SYT1: variants seen among roughly 807,000 people sequenced by gnomAD.
SYT1 encodes synaptotagmin-1.
A neutral mutation model predicts 44.8 loss-of-function variants in SYT1; 8 were observed. The observed-to-expected ratio is 0.18, with a 90% CI of 0.10 to 0.32. The LOEUF is 0.32. Ranked by LOEUF, SYT1 falls within the 10% of genes least tolerant of loss-of-function variation. The pLI, the probability that SYT1 is intolerant of heterozygous loss-of-function variation, is 1.00. For missense variants in SYT1, 286 were observed against 509.3 expected, an observed-to-expected ratio of 0.56 and a Z score of 4.22; for synonymous variants, 154 against 188.8, an observed-to-expected ratio of 0.82 and a Z score of 1.51.
chr12:79,046,442 A>G (rs1347341450), intron 2 of SYT1: 1 of 152,136 alleles, frequency 6.6e-6, no homozygotes, highest in Non-Finnish European at 1.5e-5. Flanking sequence ...ATGAGAACTT[A>G]TATAAAAAGG....
chr12:79,440,859 G>A (rs941378324), intron 9 of SYT1, among the ~76,000 whole-genome samples: 1 of 152,176 alleles, frequency 6.6e-6, no homozygotes, highest in Non-Finnish European at 1.5e-5. Context: ...ACCAGTAGCT[G>A]AGGATATAGG....
chr12:79,111,734 C>G (rs1256440161), intron 3 of SYT1, among the ~76,000 whole-genome samples: 1 of 151,270 alleles, frequency 6.6e-6, no homozygotes, highest in African/African-American at 2.4e-5. Context: ...ATTCACAAAT[C>G]CTGCAAAAAA....
At chr12:79,312,340 G>A (rs905844292) in intron 8 of SYT1, among the ~76,000 whole-genome samples, 7 of 152,092 alleles carry the variant, frequency 4.6e-5, no homozygotes, top group African/African-American at 1.4e-4. Context: ...CCATGTATTC[G>A]TACTTATCAG....
chr12:79,036,036 C>T (rs1214385346), intron 2 of SYT1, among the ~76,000 whole-genome samples: 2 of 151,514 alleles, frequency 1.3e-5, no homozygotes, highest in African/African-American at 4.8e-5. Context: ...TTGGCAGCTG[C>T]CAATCAACAT....
chr12:79,261,686 G>A (rs75260448), intron 4 of SYT1, among the ~76,000 whole-genome samples: 2,220 of 152,204 alleles, frequency 0.015, 36 homozygotes, highest in Middle Eastern at 0.045. Flanking sequence ...AAGGGCATTA[G>A]CATTTATTAA....
intron 3 of SYT1, among the ~76,000 whole-genome samples, chr12:79,196,870 C>T (rs1873494658): frequency 6.6e-6 from 1 of 152,190 alleles, no homozygotes; most frequent in African/African-American, 2.4e-5. Flanking sequence ...GTGGTGAAAG[C>T]TAAGTAAATA....
rs189686661 is a variant in SYT1, at chr12:79,058,628, T to A, written c.-18+11266T>A. The stretch of plus-strand genomic sequence containing the variant: ...CCAAAGTGTCCACACCAGCCCTGCA[T>A]CTTGCATCCCCTCTGCTTCTCACTT... On this transcript the variant is annotated intron_variant, in intron 3 of 10. Transcript: ENST00000261205. 1.3e-3 allele frequency among the ~76,000 whole-genome samples: 194 copies of A among 152,178 alleles called. 2 individuals are homozygous for A. Among genetic ancestry groups the A allele is most frequent in the African/African-American group, 4.5e-3 (186 of 41,542 alleles).
chr12:78,982,032 C>A (rs1236245138), intron 2 of SYT1, among the ~76,000 whole-genome samples: 1 of 152,046 alleles, frequency 6.6e-6, no homozygotes, highest in Non-Finnish European at 1.5e-5. Flanking sequence ...TTAAGGAGGT[C>A]TTAGCAGCCC....
intron 8 of SYT1, among the ~76,000 whole-genome samples, chr12:79,348,085 G>A (rs927591934): frequency 6.6e-6 from 1 of 152,098 alleles, no homozygotes; most frequent in Non-Finnish European, 1.5e-5. Context: ...GGATACGAAG[G>A]GGGCAGATCA....
At chr12:79,312,810 G>T (rs1322816229) in intron 8 of SYT1, among the ~76,000 whole-genome samples, 2 of 129,558 alleles carry the variant, frequency 1.5e-5, no homozygotes, top group Non-Finnish European at 1.6e-5. Context: ...AACTATGGCT[G>T]GATGTTTTGC....
intron 1 of SYT1, among the ~76,000 whole-genome samples, chr12:78,931,226 A>AGGAAG (rs1565723349): frequency 3.3e-5 from 2 of 59,870 alleles, no homozygotes; most frequent in African/African-American, 1.9e-4. Flanking sequence ...AAAGAAAGAA[A>AGGAAG]GAAAGAAAGA....
intron 3 of SYT1, among the ~76,000 whole-genome samples, chr12:79,112,374 G>C (rs1316431296): frequency 2.6e-5 from 4 of 151,954 alleles, no homozygotes; most frequent in African/African-American, 9.7e-5. Flanking sequence ...TAGTAAGAGT[G>C]ATACAAAAAA....
chr12:79,189,292 C>CT (rs1237102673), intron 3 of SYT1, among the ~76,000 whole-genome samples: 1 of 152,152 alleles, frequency 6.6e-6, no homozygotes, highest in Non-Finnish European at 1.5e-5. Flanking sequence ...TCTGTCTACA[C>CT]TTTAATTTCC....
intron 1 of SYT1, among the ~76,000 whole-genome samples, chr12:78,935,276 A>T (rs1877989321): frequency 6.6e-6 from 1 of 152,170 alleles, no homozygotes; most frequent in African/African-American, 2.4e-5. Context: ...TCTGCTGTGA[A>T]GGTTCTGAGA....
intron 2 of SYT1, among the ~76,000 whole-genome samples, chr12:78,989,610 T>G (rs1869884150): frequency 1.3e-5 from 2 of 152,088 alleles, no homozygotes. Context: ...CTTATCTGAT[T>G]GGGGAGAAGA....
chr12:78,971,903 C>A (rs1431689303), intron 1 of SYT1, among the ~76,000 whole-genome samples: 1 of 152,050 alleles, frequency 6.6e-6, no homozygotes, highest in African/African-American at 2.4e-5. Context: ...GAATCATTGA[C>A]CCCTTTTAAG....
chr12:79,179,583 A>T (rs557135763), intron 3 of SYT1, among the ~76,000 whole-genome samples: 6 of 149,946 alleles, frequency 4.0e-5, no homozygotes, highest in African/African-American at 1.5e-4. Flanking sequence ...ATATGGATAT[A>T]GATATAGATT....
At chr12:79,002,431 G>C (rs1400760519) in intron 2 of SYT1, among the ~76,000 whole-genome samples, 2 of 151,716 alleles carry the variant, frequency 1.3e-5, no homozygotes, top group Non-Finnish European at 2.9e-5. Flanking sequence ...AATATTCCTT[G>C]TTTGGCTTTT....
At chr12:79,338,836 A>G (rs1472592434) in intron 8 of SYT1, among the ~76,000 whole-genome samples, 1 of 151,730 alleles carries the variant, frequency 6.6e-6, no homozygotes, top group African/African-American at 2.4e-5. Flanking sequence ...CGACCCCACA[A>G]CAGGCCCGTG....
Sources: allele counts gnomAD v4.1 joint callset (sites outside exome capture counted in the v4.1 genomes callset), GRCh38; gene constraint gnomAD v4.1.1; transcripts MANE v1.5; gene names NCBI Gene and HGNC (gene_info 2026-07-23, HGNC 2026-07-21).